GALNT13: variants seen among roughly 807,000 people sequenced by gnomAD.
GALNT13 encodes UDP-GalNAc:polypeptide N-acetylgalactosaminyltransferase 13.
In GALNT13, 28 loss-of-function variants were observed where a neutral mutation model predicts 64.2. The observed-to-expected ratio is 0.44, with a 90% CI of 0.32 to 0.60. The LOEUF (loss-of-function observed/expected upper bound fraction) is 0.60, where lower values mean the gene tolerates loss of function less well. Among genes scored for constraint, GALNT13 ranks in the 20% least tolerant of loss-of-function variants. The probability of loss-of-function intolerance (pLI) is 0.05; values close to 1 mark genes in which losing one functional copy is unlikely to be tolerated. For missense variants in GALNT13, 577 were observed against 669.8 expected (o/e 0.86, Z 1.53); for synonymous variants, 214 against 224.6 (o/e 0.95, Z 0.42).
intron 7 of GALNT13, among the ~76,000 whole-genome samples, chr2:154,250,954 T>C (rs967562027): frequency 6.6e-6 from 1 of 152,094 alleles, no homozygotes; most frequent in Non-Finnish European, 1.5e-5. Context: ...TAGTCAATGC[T>C]CTTGCTTACT....
At chr2:153,720,769 T>C in the GALNT13 span, among the ~76,000 whole-genome samples, 898 of 147,398 alleles carry the variant, frequency 6.1e-3, 7 homozygotes, top group African/African-American at 0.021. Flanking sequence ...GAAAAAAGAA[T>C]AAAAAGAAAT....
At chr2:153,358,544 T>C in the GALNT13 span, among the ~76,000 whole-genome samples, 2 of 152,214 alleles carry the variant, frequency 1.3e-5, no homozygotes, top group East Asian at 3.8e-4. Context: ...TCCCCTTTTA[T>C]TCTTACTAAC....
Position 153,944,523 on chromosome 2 carries a change from T to C in GALNT13, c.26T>C (p.Val9Ala), listed in dbSNP as rs1691571699. Residue 9 changes from valine to alanine, a missense_variant, in exon 3 of 13, where the codon GTG becomes GCG. Coordinates refer to ENST00000392825, the MANE Select transcript of GALNT13 (RefSeq NM_052917.4). ...ATGAGGAGATTTGTCTACTGCAAGG[T>C]GGTTCTAGCCACTTCGCTGATGTGG... The part of the protein sequence containing the change: MRRFVYCK[V>A]VLATSLMWVL... The C allele has an allele frequency of 3.7e-6, 6 of 1,613,534 alleles. 1 individual carries two copies. Among genetic ancestry groups the C allele is most frequent in the Middle Eastern group, 3.3e-4 (2 of 6,058 alleles).
chr2:153,260,518 T>C, the GALNT13 span, among the ~76,000 whole-genome samples: 1 of 152,336 alleles, frequency 6.6e-6, no homozygotes, highest in East Asian at 1.9e-4. Context: ...AAATATGTCA[T>C]GTCATGCTCT....
chr2:153,200,282 C>T, the GALNT13 span, among the ~76,000 whole-genome samples: 2 of 152,218 alleles, frequency 1.3e-5, no homozygotes, highest in African/African-American at 4.8e-5. Context: ...ACATCTTAAA[C>T]AGGAAAGTAG....
intron 4 of GALNT13, among the ~76,000 whole-genome samples, chr2:154,154,934 T>G (rs1203820425): frequency 6.7e-6 from 1 of 149,304 alleles, no homozygotes; most frequent in Non-Finnish European, 1.5e-5. Flanking sequence ...TTGTTTATGT[T>G]TGTGTGTGTG....
chr2:153,478,568 C>T, the GALNT13 span: 10 of 1,566,942 alleles, frequency 6.4e-6, no homozygotes, highest in East Asian at 2.0e-4. Flanking sequence ...GGATTCATCG[C>T]AGGAACGGGC....
chr2:154,351,359 T>G (rs976226714), intron 9 of GALNT13, among the ~76,000 whole-genome samples: 2 of 151,774 alleles, frequency 1.3e-5, no homozygotes, highest in Non-Finnish European at 2.9e-5. Context: ...GTTGTGAGCT[T>G]CAAGAACTGA....
the GALNT13 span, among the ~76,000 whole-genome samples, chr2:153,301,309 C>CAAAAAAAAACAAAA: frequency 1.3e-5 from 1 of 76,432 alleles, no homozygotes; most frequent in African/African-American, 6.7e-5. Flanking sequence ...GACTCCTTCT[C>CAAAAAAAAACAAAA]AAAAAAAAAG....
the GALNT13 span, among the ~76,000 whole-genome samples, chr2:153,440,265 G>A: frequency 6.6e-6 from 1 of 152,130 alleles, no homozygotes; most frequent in African/African-American, 2.4e-5. Flanking sequence ...CCATGTCCCT[G>A]CAAAGGACAT....
intron 8 of GALNT13, chr2:154,287,551 T>C (rs1305476386): frequency 4.1e-6 from 1 of 243,268 alleles, no homozygotes; most frequent in Non-Finnish European, 8.3e-6. Context: ...AGTTCATCAA[T>C]CCTTCTTCTG....
intron 2 of GALNT13, among the ~76,000 whole-genome samples, chr2:153,905,889 A>G (rs746863342): frequency 6.6e-6 from 1 of 151,978 alleles, no homozygotes; most frequent in African/African-American, 2.4e-5. Flanking sequence ...TTTAGCAATC[A>G]ATCTGATAAC....
intron 9 of GALNT13, among the ~76,000 whole-genome samples, chr2:154,391,118 G>A (rs1698771565): frequency 6.6e-6 from 1 of 151,990 alleles, no homozygotes; most frequent in East Asian, 1.9e-4. Flanking sequence ...CTTCTATATT[G>A]GTGTCACTTT....
At chr2:153,714,173 T>G in the GALNT13 span, among the ~76,000 whole-genome samples, 1 of 152,152 alleles carries the variant, frequency 6.6e-6, no homozygotes, top group East Asian at 1.9e-4. Context: ...GACATGTTTG[T>G]TGTCTTTTTC....
chr2:154,376,844 T>C (rs1049318979), intron 9 of GALNT13, among the ~76,000 whole-genome samples: 2 of 152,134 alleles, frequency 1.3e-5, no homozygotes, highest in African/African-American at 2.4e-5. Context: ...CCCTAAACTA[T>C]AGTAAATATC....
chr2:153,166,777 G>A, the GALNT13 span, among the ~76,000 whole-genome samples: 2 of 152,150 alleles, frequency 1.3e-5, no homozygotes, highest in African/African-American at 2.4e-5. Context: ...ACATTGCCTG[G>A]CCTTCAGGGT....
At chr2:153,916,927 GC>G (rs1219618091) in intron 2 of GALNT13, among the ~76,000 whole-genome samples, 1 of 152,150 alleles carries the variant, frequency 6.6e-6, no homozygotes, top group African/African-American at 2.4e-5. Context: ...GTCTATGATA[GC>G]AGCACTTTAT....
chr2:153,835,232 G>A, the GALNT13 span, among the ~76,000 whole-genome samples: 21 of 151,974 alleles, frequency 1.4e-4, no homozygotes, highest in East Asian at 2.3e-3. Flanking sequence ...ACATTATAGC[G>A]TATATCTGGT....
intron 3 of GALNT13, among the ~76,000 whole-genome samples, chr2:154,108,785 T>A (rs1374671877): frequency 6.6e-6 from 1 of 152,092 alleles, no homozygotes. Flanking sequence ...TAGGTAAGGA[T>A]CCAATTTCAT....
Sources: gnomAD v4.1 joint callset for allele counts (sites outside exome capture counted in the v4.1 genomes callset) on GRCh38, gnomAD v4.1.1 for gene constraint, MANE v1.5 for transcripts, NCBI Gene and HGNC (gene_info 2026-07-23, HGNC 2026-07-21) for gene names.